The following OSBPL1A variants were observed in gnomAD, a reference collection of about 807,000 sequenced individuals.
OSBPL1A encodes the protein oxysterol-binding protein-related protein 1.
OSBPL1A carries 80 observed loss-of-function variants against 137.1 expected under a neutral mutation model. The ratio of observed to expected loss-of-function variants is 0.58; its 90% confidence interval spans 0.49 to 0.70. The LOEUF is 0.70. OSBPL1A is among the 30% of genes least tolerant of loss of function. The pLI is 0.00. For missense variants in OSBPL1A, 970 were observed against 1,129.4 expected (o/e 0.86, Z 2.02); for synonymous variants, 365 against 389.7 (o/e 0.94, Z 0.75).
At chr18:24,352,612 A>G (rs2091461207) in intron 4 of OSBPL1A, among the ~76,000 whole-genome samples, 1 of 152,176 alleles carries the variant, frequency 6.6e-6, no homozygotes, top group Admixed American at 6.6e-5. Flanking sequence ...TGCCAAGTCA[A>G]TCCTAAGCCA....
intron 15 of OSBPL1A, among the ~76,000 whole-genome samples, chr18:24,245,255 C>G (rs1381241963): frequency 6.6e-6 from 1 of 152,084 alleles, no homozygotes; most frequent in East Asian, 1.9e-4. Flanking sequence ...ACCACCATGC[C>G]TAGCTAATTT....
intron 15 of OSBPL1A, among the ~76,000 whole-genome samples, chr18:24,275,215 G>A (rs1413269363): frequency 6.6e-6 from 1 of 152,102 alleles, no homozygotes; most frequent in Non-Finnish European, 1.5e-5. Context: ...TAAATAAGGG[G>A]GTAGAGAATT....
At chr18:24,329,079 T>A (rs1188205765) in intron 7 of OSBPL1A, among the ~76,000 whole-genome samples, 1 of 152,138 alleles carries the variant, frequency 6.6e-6, no homozygotes, top group Non-Finnish European at 1.5e-5. Context: ...CTCCTATTGA[T>A]GTCAATAAAG....
rs866191634 is a variant in OSBPL1A at position 24,352,416 on chromosome 18, G to A, written c.283-10758C>T. On this transcript the variant is annotated intron_variant, in intron 4 of 27. Transcript: ENST00000319481. ...AGAAAAATAAAACAACAATGAAAGA[G>A]GATACAAACAAATGGAAGAACATTT... Among the ~76,000 whole-genome samples, 8 of 152,036 alleles carry A rather than the reference G, an allele frequency of 5.3e-5. No homozygotes were observed. The South Asian group carries it at 8.3e-4, about 16-fold the overall frequency.
intron 15 of OSBPL1A, among the ~76,000 whole-genome samples, chr18:24,269,562 A>C (rs942814046): frequency 2.0e-5 from 3 of 151,282 alleles, no homozygotes; most frequent in African/African-American, 7.3e-5. Flanking sequence ...CAAATGACTC[A>C]AAAAAAAGTC....
chr18:24,219,973 C>T (rs1266061771), intron 17 of OSBPL1A, among the ~76,000 whole-genome samples: 2 of 152,234 alleles, frequency 1.3e-5, no homozygotes, highest in African/African-American at 2.4e-5. Flanking sequence ...TGGATAACCA[C>T]TCTAGTCTCC....
chr18:24,333,472 A>C (rs557218287), intron 6 of OSBPL1A, among the ~76,000 whole-genome samples: 1 of 152,336 alleles, frequency 6.6e-6, no homozygotes, highest in East Asian at 1.9e-4. Context: ...AAAACCATAA[A>C]TGTTAAATGT....
intron 14 of OSBPL1A, among the ~76,000 whole-genome samples, chr18:24,301,898 C>G (rs2146100358): frequency 6.6e-6 from 1 of 152,238 alleles, no homozygotes; most frequent in African/African-American, 2.4e-5. Flanking sequence ...GAAACTGAAT[C>G]TTGGAGTTGA....
intron 20 of OSBPL1A, chr18:24,179,006 T>G (rs1194714677): frequency 6.6e-6 from 1 of 152,218 alleles, no homozygotes; most frequent in Non-Finnish European, 1.5e-5. Context: ...ATATATTTTA[T>G]TTATATTTTT....
intron 15 of OSBPL1A, among the ~76,000 whole-genome samples, chr18:24,274,679 G>T (rs1319137491): frequency 3.3e-5 from 5 of 152,148 alleles, no homozygotes; most frequent in Admixed American, 1.3e-4. Flanking sequence ...AGGCCAAGGC[G>T]AGTGTATCAC....
At chr18:24,241,353 G>A (rs1465529233) in intron 15 of OSBPL1A, among the ~76,000 whole-genome samples, 2 of 152,042 alleles carry the variant, frequency 1.3e-5, no homozygotes, top group Non-Finnish European at 2.9e-5. Context: ...CTACAGAATG[G>A]GAGAAAATTT....
At chr18:24,318,316 C>A (rs1003518037) in intron 9 of OSBPL1A, among the ~76,000 whole-genome samples, 1 of 151,926 alleles carries the variant, frequency 6.6e-6, no homozygotes. Context: ...CGGTGGCGGG[C>A]GCCTATAATC....
At chr18:24,281,388 T>A (rs889200550) in intron 14 of OSBPL1A, among the ~76,000 whole-genome samples, 5 of 143,632 alleles carry the variant, frequency 3.5e-5, no homozygotes, top group Non-Finnish European at 6.1e-5. Context: ...CCGGCTTTTT[T>A]TTTTTATTTT....
chr18:24,299,100 CCT>C (rs753518768), intron 14 of OSBPL1A, among the ~76,000 whole-genome samples: 2 of 152,108 alleles, frequency 1.3e-5, no homozygotes, highest in African/African-American at 2.4e-5. Flanking sequence ...CACCCCTTTA[CCT>C]TGAGTTTATA....
chr18:24,299,882 C>T (rs901500773), intron 14 of OSBPL1A, among the ~76,000 whole-genome samples: 2 of 152,174 alleles, frequency 1.3e-5, no homozygotes, highest in Non-Finnish European at 2.9e-5. Flanking sequence ...AATATTCATA[C>T]ATTTTCACCC....
intron 16 of OSBPL1A, among the ~76,000 whole-genome samples, chr18:24,229,542 G>A (rs187008298): frequency 3.9e-4 from 60 of 152,278 alleles, no homozygotes; most frequent in Non-Finnish European, 6.3e-4. Flanking sequence ...CCAATCTATC[G>A]CTAGTACAGC....
At chr18:24,308,826 A>G (rs1446620833) in intron 13 of OSBPL1A, among the ~76,000 whole-genome samples, 1 of 151,956 alleles carries the variant, frequency 6.6e-6, no homozygotes, top group African/African-American at 2.4e-5. Context: ...GCAGTGGCAC[A>G]ATCTCACCTC....
intron 15 of OSBPL1A, among the ~76,000 whole-genome samples, chr18:24,276,830 A>G (rs909400601): frequency 1.2e-4 from 18 of 152,316 alleles, no homozygotes; most frequent in African/African-American, 4.3e-4. Flanking sequence ...GATTATGTAG[A>G]TCATATCAGT....
intron 15 of OSBPL1A, among the ~76,000 whole-genome samples, chr18:24,240,323 C>G (rs959088448): frequency 6.6e-6 from 1 of 152,146 alleles, no homozygotes; most frequent in Admixed American, 6.5e-5. Flanking sequence ...AAGGCAAAGC[C>G]TGGTTTGATT....
Sources: allele counts gnomAD v4.1 joint callset (sites outside exome capture counted in the v4.1 genomes callset), GRCh38; gene constraint gnomAD v4.1.1; transcripts MANE v1.5; gene names NCBI Gene and HGNC (gene_info 2026-07-23, HGNC 2026-07-21).